Variants in NOS1AP observed in about 807,000 individuals in gnomAD.
NOS1AP encodes the protein nitric oxide synthase 1 adaptor protein, also known as carboxyl-terminal PDZ ligand of neuronal nitric oxide synthase protein.
In NOS1AP, 21 loss-of-function variants were observed where a neutral mutation model predicts 56.2. The ratio of observed to expected loss-of-function variants is 0.37; its 90% CI spans 0.26 to 0.54. The LOEUF is 0.54. Ranked by LOEUF, NOS1AP falls within the 20% of genes least tolerant of loss-of-function variation. The pLI, the probability that NOS1AP is intolerant of heterozygous loss-of-function variation, is 0.84. For missense variants in NOS1AP, 522 were observed against 657.8 expected, an observed-to-expected ratio of 0.79 and a Z score of 2.26; for synonymous variants, 270 against 274.6, an observed-to-expected ratio of 0.98 and a Z score of 0.17.
chr1:162,319,786 G>T (rs951086052), intron 4 of NOS1AP, among the ~76,000 whole-genome samples: 8 of 152,026 alleles, frequency 5.3e-5, no homozygotes, highest in African/African-American at 1.9e-4. Flanking sequence ...TGCCTCTCTG[G>T]ACTTGGGGTG....
chr1:162,264,024 A>G (rs1402614045), intron 2 of NOS1AP, among the ~76,000 whole-genome samples: 1 of 152,212 alleles, frequency 6.6e-6, no homozygotes, highest in Non-Finnish European at 1.5e-5. Context: ...GGACTATTAC[A>G]GTAGCCTCCG....
chr1:162,343,783 A>G (rs369241343), intron 5 of NOS1AP, 52 bp from the exon 6 acceptor site: 70 of 1,606,794 alleles, frequency 4.4e-5, no homozygotes, highest in Non-Finnish European at 5.5e-5. Context: ...TTCTATCCAC[A>G]TGCCCCTTGC....
intron 8 of NOS1AP, among the ~76,000 whole-genome samples, chr1:162,358,836 G>A (rs185973351): frequency 1.1e-3 from 169 of 152,320 alleles, no homozygotes; most frequent in Middle Eastern, 3.4e-3. Context: ...TTTTATCAGG[G>A]AGGCATTTGA....
intron 4 of NOS1AP, among the ~76,000 whole-genome samples, chr1:162,315,657 G>A (rs1656204173): frequency 6.6e-6 from 1 of 152,218 alleles, no homozygotes; most frequent in African/African-American, 2.4e-5. Context: ...CTGAGAACTG[G>A]CTTTTGAGGA....
chr1:162,186,013 C>T (rs537603783), intron 2 of NOS1AP, among the ~76,000 whole-genome samples: 69 of 152,300 alleles, frequency 4.5e-4, no homozygotes, highest in African/African-American at 1.7e-3. Flanking sequence ...CTTCCTTCTC[C>T]TCCTCCTTCG....
intron 1 of NOS1AP, among the ~76,000 whole-genome samples, chr1:162,105,263 G>C (rs1473701034): frequency 6.6e-6 from 1 of 152,214 alleles, no homozygotes; most frequent in Non-Finnish European, 1.5e-5. Context: ...AAAGATGGCA[G>C]GCTGCTCCTT....
intron 1 of NOS1AP, among the ~76,000 whole-genome samples, chr1:162,140,902 A>G (rs1310625862): frequency 2.0e-5 from 3 of 152,032 alleles, no homozygotes; most frequent in Non-Finnish European, 4.4e-5. Context: ...GATGATGAGC[A>G]TTTTTTTACA....
intron 1 of NOS1AP, among the ~76,000 whole-genome samples, chr1:162,141,705 C>T (rs999090257): frequency 7.9e-5 from 12 of 152,102 alleles, no homozygotes; most frequent in East Asian, 7.7e-4. Flanking sequence ...GAACTAATGC[C>T]GGGACTTAAT....
Position 162,365,606 on chromosome 1 carries a change from G to A in NOS1AP, c.1105+37G>A, listed in dbSNP as rs558428250. ...CCCTGCCCAGCCCTGCTTCCTCTGT[G>A]AAGGCTCTGGAAAGAGTGTCACTTT... On this transcript the variant is annotated intron_variant, in intron 9 of 9. Coordinates refer to ENST00000361897, the MANE Select transcript of NOS1AP (RefSeq NM_014697.3). 5 of 1,602,238 alleles carry A rather than the reference G, an allele frequency of 3.1e-6. No individual in the cohort carries two copies. The South Asian group carries it at 5.5e-5, about 18-fold the overall frequency.
chr1:162,139,122 G>T (rs1312045127), intron 1 of NOS1AP, among the ~76,000 whole-genome samples: 1 of 152,090 alleles, frequency 6.6e-6, no homozygotes, highest in Non-Finnish European at 1.5e-5. Flanking sequence ...ATTTCACTCC[G>T]CCCTAGTGTC....
intron 2 of NOS1AP, among the ~76,000 whole-genome samples, chr1:162,243,814 A>C (rs1310715347): frequency 6.6e-6 from 1 of 152,076 alleles, no homozygotes; most frequent in Non-Finnish European, 1.5e-5. Context: ...CCATTTTTCA[A>C]CCTCATTTAA....
Position 162,083,058 on chromosome 1 carries a change from G to A in NOS1AP, c.105+12776G>A, listed in dbSNP as rs1379773684. Reference sequence around the variant, plus strand: ...ACTACAGGCGCCCGCCACTACGCCCGGCTAATTTTTTGTATTTTTAGTAGA... The same window carrying A: ...ACTACAGGCGCCCGCCACTACGCCCAGCTAATTTTTTGTATTTTTAGTAGA... On this transcript the variant is annotated intron_variant, in intron 1 of 9. Transcript: ENST00000361897. 2.8e-4 allele frequency among the ~76,000 whole-genome samples: 2 copies of A among 7,108 alleles called. 1 individual carries two copies. The highest frequency in any genetic ancestry group is 3.0e-4 in the African/African-American group (2 of 6,644). The allele number at this position is 7,108 out of a possible 152,430, so 4.7% of individuals were successfully genotyped here. A position where few individuals can be genotyped will look rare whatever the true frequency, so the allele number is the denominator to read the frequency against.
chr1:162,205,646 A>G (rs1190662667), intron 2 of NOS1AP, among the ~76,000 whole-genome samples: 2 of 152,106 alleles, frequency 1.3e-5, no homozygotes, highest in Admixed American at 6.5e-5. Context: ...TGTCATCACT[A>G]TTGGATCTTT....
chr1:162,344,417 G>A (rs551304466), intron 6 of NOS1AP, among the ~76,000 whole-genome samples: 8 of 151,240 alleles, frequency 5.3e-5, no homozygotes, highest in East Asian at 2.0e-4. Context: ...GAAGGAGGCC[G>A]GGCGCAGTGT....
chr1:162,235,595 T>A (rs1211654239), intron 2 of NOS1AP, among the ~76,000 whole-genome samples: 1 of 152,100 alleles, frequency 6.6e-6, no homozygotes, highest in Admixed American at 6.5e-5. Flanking sequence ...CATGGGGAGA[T>A]CAAAGCTTCA....
chr1:162,104,156 T>A (rs1647407548), intron 1 of NOS1AP, among the ~76,000 whole-genome samples: 1 of 152,240 alleles, frequency 6.6e-6, no homozygotes, highest in Non-Finnish European at 1.5e-5. Flanking sequence ...TATTTCTCCT[T>A]TGCGTATGAA....
chr1:162,365,272 G>T (rs920026693), intron 8 of NOS1AP, 132 bp from the exon 9 acceptor site: 2 of 1,530,932 alleles, frequency 1.3e-6, no homozygotes, highest in Non-Finnish European at 1.8e-6. Context: ...CATGCTGCCC[G>T]TGAAGGGCTT....
intron 1 of NOS1AP, among the ~76,000 whole-genome samples, chr1:162,086,649 G>C (rs1692010167): frequency 6.6e-6 from 1 of 152,106 alleles, no homozygotes; most frequent in African/African-American, 2.4e-5. Context: ...CCAGGAGTGG[G>C]ATCTCCAACA....
intron 1 of NOS1AP, among the ~76,000 whole-genome samples, chr1:162,112,269 C>A (rs953516694): frequency 2.0e-5 from 3 of 152,130 alleles, no homozygotes; most frequent in Non-Finnish European, 4.4e-5. Context: ...CTTGGCATGG[C>A]CAACAAAAGT....
Sources: gnomAD v4.1 joint callset for allele counts (sites outside exome capture counted in the v4.1 genomes callset) on GRCh38, gnomAD v4.1.1 for gene constraint, MANE v1.5 for transcripts, NCBI Gene and HGNC (gene_info 2026-07-23, HGNC 2026-07-21) for gene names.